Variants in EHBP1 observed in about 807,000 individuals in gnomAD.
EHBP1 encodes EH domain-binding protein 1.
A neutral mutation model predicts 144.0 loss-of-function variants in EHBP1; 55 were observed. The ratio of observed to expected loss-of-function variants is 0.38; its 90% CI spans 0.31 to 0.48. EHBP1 has a LOEUF of 0.48. EHBP1 is among the 20% of genes least tolerant of loss of function. The pLI, the probability that EHBP1 is intolerant of heterozygous loss-of-function variation, is 0.98. For missense variants in EHBP1, 1,200 were observed against 1,364.2 expected (o/e 0.88, Z 1.90); for synonymous variants, 469 against 472.7 (o/e 0.99, Z 0.10).
chr2:62,767,833 CAA>C (rs1208266767), intron 4 of EHBP1, among the ~76,000 whole-genome samples: 51 of 76,370 alleles, frequency 6.7e-4, no homozygotes, highest in Middle Eastern at 5.9e-3. Flanking sequence ...AAGACTCTGT[CAA>C]AAAAAAAAAA....
At chr2:62,854,748 G>A (rs2048915364) in intron 7 of EHBP1, among the ~76,000 whole-genome samples, 1 of 152,214 alleles carries the variant, frequency 6.6e-6, no homozygotes, top group Admixed American at 6.5e-5. Context: ...AGAATATGGT[G>A]ATGATGGCAG....
At chr2:62,968,866 A>G (rs1273633767) in intron 14 of EHBP1, among the ~76,000 whole-genome samples, 1 of 152,194 alleles carries the variant, frequency 6.6e-6, no homozygotes, top group Non-Finnish European at 1.5e-5. Flanking sequence ...AGCTAGATCC[A>G]TGTGCATGAC....
intron 19 of EHBP1, among the ~76,000 whole-genome samples, chr2:63,027,920 T>G (rs1302694286): frequency 6.7e-6 from 1 of 150,314 alleles, no homozygotes; most frequent in East Asian, 1.9e-4. Flanking sequence ...AGTATATGTT[T>G]TTGTTTGTTT....
intron 2 of EHBP1, among the ~76,000 whole-genome samples, chr2:62,725,242 C>G (rs1558553961): frequency 6.6e-6 from 1 of 152,160 alleles, no homozygotes; most frequent in Admixed American, 6.5e-5. Flanking sequence ...TATCCATCCT[C>G]ATTTGCTTGT....
At position 62,826,096 on chromosome 2, in the gene EHBP1, T is replaced by G. The variant is rs1285767563; in HGVS notation, c.322T>G (p.Ser108Ala). Reference protein sequence around the residue: ...WTFVIENESPSGRRKALATSS... With the variant: ...WTFVIENESPAGRRKALATSS... Reference sequence around the variant, plus strand: ...TTCTTTAATCTTCCAGGAATCCCCTTCTGGTCGAAGGAAAGCTCTTGCTAC... The same window carrying G: ...TTCTTTAATCTTCCAGGAATCCCCTGCTGGTCGAAGGAAAGCTCTTGCTAC... Residue 108 changes from serine (S) to alanine (A), a missense_variant, in exon 6 of 23, where the codon TCT (serine) becomes GCT (alanine). Physicochemically the swap from Ser to Ala is moderately conservative, Grantham distance 99. Transcript: ENST00000431489. The G allele has an allele frequency of 6.8e-7, 1 of 1,480,536 alleles. No homozygotes were observed. Among genetic ancestry groups the G allele is most frequent in the Admixed American group, 2.4e-5 (1 of 42,478 alleles). The allele number at this position is 1,480,536 out of a possible 1,614,324, so 91.7% of individuals were successfully genotyped here.
intron 5 of EHBP1, among the ~76,000 whole-genome samples, chr2:62,798,433 A>G (rs1460246739): frequency 6.6e-6 from 1 of 152,140 alleles, no homozygotes; most frequent in Non-Finnish European, 1.5e-5. Flanking sequence ...TGTTAGATAC[A>G]GTCAGTTGTC....
intron 10 of EHBP1, among the ~76,000 whole-genome samples, chr2:62,924,624 T>C (rs1367402071): frequency 6.6e-6 from 1 of 152,210 alleles, no homozygotes; most frequent in African/African-American, 2.4e-5. Flanking sequence ...GATAAATTCC[T>C]GGACACATAT....
intron 2 of EHBP1, among the ~76,000 whole-genome samples, chr2:62,728,056 T>TA (rs1331747959): frequency 6.6e-6 from 1 of 152,212 alleles, no homozygotes; most frequent in East Asian, 1.9e-4. Flanking sequence ...ATATTTATCT[T>TA]AAATATTGGA....
intron 14 of EHBP1, among the ~76,000 whole-genome samples, chr2:62,973,158 C>T (rs563723708): frequency 2.0e-5 from 3 of 151,910 alleles, no homozygotes; most frequent in South Asian, 2.1e-4. Flanking sequence ...TGATAGCTTG[C>T]AAGAAAAAAA....
At chr2:62,870,170 G>T (rs987067990) in intron 9 of EHBP1, among the ~76,000 whole-genome samples, 1 of 152,138 alleles carries the variant, frequency 6.6e-6, no homozygotes, top group South Asian at 2.1e-4. Context: ...AAAGTTTGGG[G>T]TAATAGCTTT....
intron 7 of EHBP1, among the ~76,000 whole-genome samples, chr2:62,849,690 CTCAT>C (rs1212413877): frequency 2.6e-5 from 4 of 152,096 alleles, no homozygotes; most frequent in African/African-American, 9.7e-5. Context: ...AGTATTATGA[CTCAT>C]TCGGTTCATT....
intron 4 of EHBP1, among the ~76,000 whole-genome samples, chr2:62,769,435 G>C (rs897818553): frequency 4.6e-5 from 7 of 151,942 alleles, no homozygotes; most frequent in African/African-American, 1.7e-4. Context: ...AAAATACCTA[G>C]GAATACAGCT....
intron 19 of EHBP1, among the ~76,000 whole-genome samples, chr2:63,024,818 G>A (rs1390675718): frequency 1.3e-5 from 2 of 151,840 alleles, no homozygotes; most frequent in Non-Finnish European, 2.9e-5. Flanking sequence ...GCAACAGAGT[G>A]AAACCCCATG....
intron 16 of EHBP1, among the ~76,000 whole-genome samples, chr2:62,991,767 G>A (rs191005413): frequency 2.3e-4 from 35 of 152,176 alleles, no homozygotes; most frequent in Admixed American, 2.0e-3. Context: ...ACCCACCTGC[G>A]GACTATGGGG....
At chr2:62,922,320 A>T (rs1320879588) in intron 10 of EHBP1, among the ~76,000 whole-genome samples, 1 of 152,208 alleles carries the variant, frequency 6.6e-6, no homozygotes, top group East Asian at 1.9e-4. Flanking sequence ...TTCAAGTATT[A>T]GTGGACCCAC....
intron 10 of EHBP1, chr2:62,940,148 T>A (rs142083677): frequency 3.2e-5 from 13 of 403,862 alleles, no homozygotes; most frequent in Admixed American, 1.9e-4. Context: ...TGGTAAAGGT[T>A]CTAAGACATG....
intron 18 of EHBP1, among the ~76,000 whole-genome samples, chr2:62,995,794 T>A (rs1462519453): frequency 6.6e-6 from 1 of 152,116 alleles, no homozygotes; most frequent in Non-Finnish European, 1.5e-5. Context: ...TAACCCTGAC[T>A]TTGATGATTT....
chr2:62,744,316 A>G (rs190697035), intron 2 of EHBP1, among the ~76,000 whole-genome samples: 1 of 152,180 alleles, frequency 6.6e-6, no homozygotes, highest in Non-Finnish European at 1.5e-5. Context: ...GAAGTTGTAT[A>G]ATTGTAGGTT....
At chr2:62,775,016 A>AT (rs2152385079) in intron 5 of EHBP1, among the ~76,000 whole-genome samples, 1 of 152,346 alleles carries the variant, frequency 6.6e-6, no homozygotes, top group South Asian at 2.1e-4. Flanking sequence ...AGTAGGTTAC[A>AT]TAAATGCTCT....
Sources: gnomAD v4.1 joint callset for allele counts (sites outside exome capture counted in the v4.1 genomes callset) on GRCh38, gnomAD v4.1.1 for gene constraint, MANE v1.5 for transcripts, NCBI Gene and HGNC (gene_info 2026-07-23, HGNC 2026-07-21) for gene names.